GALNTL6: variants seen among roughly 807,000 people sequenced by gnomAD.
The protein encoded by GALNTL6 is polypeptide N-acetylgalactosaminyltransferase-like 6.
GALNTL6 carries 46 observed loss-of-function variants against 73.7 expected under a neutral mutation model. That is an observed-to-expected ratio of 0.62 (90% CI 0.49 to 0.80). The LOEUF is 0.80. Ranked by LOEUF, GALNTL6 falls within the 30% of genes least tolerant of loss-of-function variation. The probability of loss-of-function intolerance (pLI) is 0.00; values close to 1 mark genes in which losing one functional copy is unlikely to be tolerated. For missense variants in GALNTL6, 604 were observed against 755.0 expected (o/e 0.80, Z 2.34); for synonymous variants, 259 against 263.7 (o/e 0.98, Z 0.17).
intron 5 of GALNTL6, among the ~76,000 whole-genome samples, chr4:172,756,790 T>C (rs1737780649): frequency 6.6e-6 from 1 of 152,180 alleles, no homozygotes; most frequent in African/African-American, 2.4e-5. Flanking sequence ...GGAACTAAAA[T>C]ATAAGGTTGA....
intron 3 of GALNTL6, among the ~76,000 whole-genome samples, chr4:172,297,128 T>C (rs532508664): frequency 8.5e-5 from 13 of 152,346 alleles, no homozygotes; most frequent in Admixed American, 3.9e-4. Context: ...GAGCATTTTT[T>C]CATGTCTCTG....
At chr4:172,782,556 C>T (rs998081069) in intron 5 of GALNTL6, among the ~76,000 whole-genome samples, 1 of 152,114 alleles carries the variant, frequency 6.6e-6, no homozygotes, top group Non-Finnish European at 1.5e-5. Flanking sequence ...AACATAGGCA[C>T]TTCAGATCGG....
chr4:172,373,522 GA>G (rs1297037723), intron 5 of GALNTL6, among the ~76,000 whole-genome samples: 4 of 152,144 alleles, frequency 2.6e-5, no homozygotes, highest in Admixed American at 2.0e-4. Flanking sequence ...AAACCTTTAT[GA>G]GCTTCAGGCC....
intron 2 of GALNTL6, among the ~76,000 whole-genome samples, chr4:172,107,743 G>A (rs1421623493): frequency 1.3e-5 from 2 of 151,128 alleles, no homozygotes; most frequent in African/African-American, 4.9e-5. Context: ...GAGTTAATGG[G>A]TGCAGCACAC....
intron 5 of GALNTL6, among the ~76,000 whole-genome samples, chr4:172,620,138 T>A (rs1344053961): frequency 6.6e-6 from 1 of 152,190 alleles, no homozygotes; most frequent in Non-Finnish European, 1.5e-5. Context: ...TATGTAAACT[T>A]TGCTAAGAAT....
chr4:172,574,632 C>A (rs563754699), intron 5 of GALNTL6, among the ~76,000 whole-genome samples: 1 of 151,520 alleles, frequency 6.6e-6, no homozygotes, highest in South Asian at 2.1e-4. Context: ...AACAAACAAC[C>A]AGCAACAACT....
rs200108995 is a variant in GALNTL6, at chr4:172,521,027, G to A, written c.553+172338G>A. Among the ~76,000 whole-genome samples, 125 of 152,092 alleles carry A rather than the reference G, an allele frequency of 8.2e-4. 3 individuals are homozygous for A. In the South Asian group the frequency reaches 0.017, roughly 21 times the overall value. The stretch of plus-strand genomic sequence containing the variant: ...ATTGTGGGAGTTTAGAGGAAAAAGT[G>A]AAAAGATGTTTTCTTTATTTGCAAG... On this transcript the variant is annotated intron_variant, in intron 5 of 12. Transcript: ENST00000506823.
intron 5 of GALNTL6, among the ~76,000 whole-genome samples, chr4:172,557,130 A>T (rs114717917): frequency 6.6e-6 from 1 of 152,146 alleles, no homozygotes; most frequent in East Asian, 1.9e-4. Flanking sequence ...CTGTAGCATA[A>T]TCAATGGGAG....
intron 2 of GALNTL6, among the ~76,000 whole-genome samples, chr4:172,190,155 CTCTT>C (rs1463257062): frequency 5.3e-5 from 8 of 152,136 alleles, no homozygotes; most frequent in African/African-American, 1.9e-4. Flanking sequence ...CCTGCTATCT[CTCTT>C]TCTTTGTCTT....
At chr4:172,376,634 T>C (rs568958681) in intron 5 of GALNTL6, among the ~76,000 whole-genome samples, 2 of 152,000 alleles carry the variant, frequency 1.3e-5, no homozygotes, top group African/African-American at 4.8e-5. Context: ...TAAGAAAAAA[T>C]AGGACAGAAT....
At chr4:172,427,141 G>T (rs1731261302) in intron 5 of GALNTL6, among the ~76,000 whole-genome samples, 1 of 152,062 alleles carries the variant, frequency 6.6e-6, no homozygotes, top group Non-Finnish European at 1.5e-5. Context: ...AGAAAAGGAA[G>T]ACAGAAAGGA....
At chr4:172,659,397 A>C (rs1039780970) in intron 5 of GALNTL6, among the ~76,000 whole-genome samples, 1 of 152,038 alleles carries the variant, frequency 6.6e-6, no homozygotes, top group Non-Finnish European at 1.5e-5. Context: ...CTTTTCTTCT[A>C]GTTATTTTGA....
At chr4:172,518,859 G>A (rs182844984) in intron 5 of GALNTL6, among the ~76,000 whole-genome samples, 1 of 151,738 alleles carries the variant, frequency 6.6e-6, no homozygotes, top group Non-Finnish European at 1.5e-5. Flanking sequence ...CATTATCTTA[G>A]AAGTCAATTT....
At chr4:172,693,190 C>G (rs1215995857) in intron 5 of GALNTL6, among the ~76,000 whole-genome samples, 2 of 152,128 alleles carry the variant, frequency 1.3e-5, no homozygotes, top group African/African-American at 4.8e-5. Context: ...TCAGTGATGT[C>G]TACCTAATTT....
intron 9 of GALNTL6, among the ~76,000 whole-genome samples, chr4:172,942,270 G>A (rs1030071314): frequency 3.9e-5 from 6 of 152,142 alleles, no homozygotes; most frequent in African/African-American, 1.4e-4. Flanking sequence ...TTTATTTTCT[G>A]CCTGTTTGAA....
At chr4:172,034,395 CGT>C (rs1180185966) in intron 2 of GALNTL6, among the ~76,000 whole-genome samples, 4 of 139,604 alleles carry the variant, frequency 2.9e-5, no homozygotes, top group Non-Finnish European at 6.2e-5. Context: ...GGGGAGCGTG[CGT>C]GCGTGTGTGT....
At chr4:173,000,381 C>A (rs919026850) in intron 10 of GALNTL6, among the ~76,000 whole-genome samples, 13 of 152,224 alleles carry the variant, frequency 8.5e-5, no homozygotes, top group East Asian at 1.9e-4. Flanking sequence ...TCATAAAAAA[C>A]CACAAAATGT....
chr4:172,457,034 T>C (rs1271010017), intron 5 of GALNTL6, among the ~76,000 whole-genome samples: 14 of 151,434 alleles, frequency 9.2e-5, no homozygotes, highest in African/African-American at 3.4e-4. Context: ...CAGAAGAGAG[T>C]GGGGGCCAAT....
chr4:171,907,316 G>A (rs961362854), intron 2 of GALNTL6, among the ~76,000 whole-genome samples: 25 of 152,238 alleles, frequency 1.6e-4, no homozygotes, highest in South Asian at 4.1e-4. Context: ...CAAAATCAAC[G>A]TACGAAAATC....
Sources: gnomAD v4.1 joint callset for allele counts (sites outside exome capture counted in the v4.1 genomes callset) on GRCh38, gnomAD v4.1.1 for gene constraint, MANE v1.5 for transcripts, NCBI Gene and HGNC (gene_info 2026-07-23, HGNC 2026-07-21) for gene names.